Variants in IRS2 observed in about 807,000 individuals in gnomAD.
IRS2 encodes insulin receptor substrate 2.
In IRS2, 28 loss-of-function variants were observed where a neutral mutation model predicts 70.9. The observed-to-expected ratio is 0.39, with a 90% CI of 0.29 to 0.54. The LOEUF (loss-of-function observed/expected upper bound fraction) is 0.54. Among genes scored for constraint, IRS2 ranks in the 20% least tolerant of loss-of-function variants. The probability of loss-of-function intolerance (pLI) is 0.59; values close to 1 mark genes in which losing one functional copy is unlikely to be tolerated. For synonymous variants in IRS2, 1,217 were observed against 981.9 expected (o/e 1.24, Z -4.48); for missense variants, 2,081 against 2,024.1 (o/e 1.03, Z -0.54).
chr13:109,784,132 C>T lies in IRS2; in HGVS notation c.1922G>A (p.Arg641Lys). 6.3e-7 allele frequency: 1 copy of T among 1,593,968 alleles called. No individual in the cohort carries two copies. The highest frequency in any genetic ancestry group is 1.1e-5 in the South Asian group (1 of 90,100). The stretch of plus-strand genomic sequence containing the variant: ...TGCCCCCAGGTTGCTGCTGGAGCTC[C>T]TGTGGGAGCCGATCTCGATGTCTCC... ...DYGDIEIGSH[R>K]SSSSNLGADD... The change falls in exon 1 of 2, where the codon AGG becomes AAG. Residue 641 changes from arginine to lysine, a missense_variant. Around this residue, in one of 4 missense-constraint regions of IRS2, gnomAD observed 1,615 missense variants for 1,459.5 expected, o/e 1.11. Coordinates refer to ENST00000375856, the MANE Select transcript of IRS2 (RefSeq NM_003749.3). This position sits in a 1 kb window ranked among gnomAD's most constrained non-coding sequence, Gnocchi z 5.2.
In IRS2 at chr13:109,783,979, G is replaced by A. The variant is rs1324656393; in HGVS notation, c.2075C>T (p.Pro692Leu). The change falls in exon 1 of 2, where the codon CCC becomes CTC. Residue 692 changes from proline (P) to leucine (L), a missense_variant. Coordinates refer to ENST00000375856, the MANE Select transcript of IRS2 (RefSeq NM_003749.3). ...GGCGGCGGCGGCGGCGGCGGCCCTGGGCTGCAAGATCTGCTTGGGGGCGGA... is the reference window on the plus strand; with the variant it reads ...GGCGGCGGCGGCGGCGGCGGCCCTGAGCTGCAAGATCTGCTTGGGGGCGGA... ...SVSAPKQILQPRAAAAAAAAV... is the reference protein window; with the variant it reads ...SVSAPKQILQLRAAAAAAAAV... The A allele has an allele frequency of 6.5e-7, 1 of 1,528,090 alleles. No homozygotes were observed. The highest frequency in any genetic ancestry group is 1.2e-5 in the South Asian group (1 of 82,682). 94.7% of individuals were successfully genotyped at this position (1,528,090 alleles called of 1,614,324 possible). A position where few individuals can be genotyped will look rare whatever the true frequency, so the allele number is the denominator to read the frequency against.
In IRS2 at chr13:109,782,323, G is replaced by T. The variant is rs1238192174; in HGVS notation, c.3731C>A (p.Ser1244Tyr). ...GTTGAGACCATTCTGGAAGCCGGCAGAGGTCTCTCTGCGCATGGGCGATCC... is the reference window on the plus strand; with the variant it reads ...GTTGAGACCATTCTGGAAGCCGGCATAGGTCTCTCTGCGCATGGGCGATCC... ...SGGSPMRRET[S>Y]AGFQNGLNYI... Residue 1244 changes from serine (S) to tyrosine (Y), a missense_variant, in exon 1 of 2, where the codon TCT becomes TAT. By Grantham distance (144) the Ser-to-Tyr change is moderately radical. Transcript: ENST00000375856. 1 of 1,611,616 alleles carries T rather than the reference G, an allele frequency of 6.2e-7. No individual in the cohort carries two copies. Among genetic ancestry groups the T allele is most frequent in the Non-Finnish European group, 8.5e-7 (1 of 1,179,462 alleles).
In IRS2 at chr13:109,786,021, C is replaced by T. The variant is rs966661377; in HGVS notation, c.33G>A (p.Gly11=). 131 of 1,368,918 alleles carry T rather than the reference C, an allele frequency of 9.6e-5. No individual in the cohort carries two copies. The highest frequency in any genetic ancestry group is 1.2e-4 in the Non-Finnish European group (127 of 1,061,248). The allele number at this position is 1,368,918 out of a possible 1,614,324, so 84.8% of individuals were successfully genotyped here. The change falls in exon 1 of 2, where the codon GGG becomes GGA. Residue 11 remains glycine (G), a synonymous_variant. Transcript: ENST00000375856. The surrounding 1 kb of genome is among the most constrained non-coding windows in gnomAD (Gnocchi z 4.4). MASPPRHGPP[G]PASGDGPNLN... is the part of the protein sequence containing the mutation. ...GGTTGGGGCCGTCTCCGCTCGCCGG[C>T]CCGGGCGGCCCGTGCCGCGGCGGGC...
rs930329556 is a variant in IRS2, at chr13:109,785,925, G to C, written c.129C>G (p.Gly43=). The C allele has an allele frequency of 1.3e-6, 2 of 1,497,740 alleles. No individual in the cohort carries two copies. Among genetic ancestry groups the C allele is most frequent in the Non-Finnish European group, 1.8e-6 (2 of 1,130,068 alleles). The allele number at this position is 1,497,740 out of a possible 1,614,324, so 92.8% of individuals were successfully genotyped here. ...KCGYLRKQKH[G]HKRFFVLRGP... ...CGCGCAGCACGAAGAAGCGCTTGTG[G>C]CCATGCTTCTGCTTGCGCAGGTAGC... The change falls in exon 1 of 2, where the codon GGC becomes GGG. Residue 43 remains glycine (G), a synonymous_variant. Transcript: ENST00000375856. The surrounding 1 kb of genome is among the most constrained non-coding windows in gnomAD (Gnocchi z 9.3).
chr13:109,773,453 G>T (rs1300471400), intron 1 of IRS2, among the ~76,000 whole-genome samples: 2 of 152,216 alleles, frequency 1.3e-5, no homozygotes, highest in Non-Finnish European at 1.5e-5. Flanking sequence ...AGAGAGCAGT[G>T]ACCGAATGCA....
intron 1 of IRS2, among the ~76,000 whole-genome samples, chr13:109,774,468 G>A (rs1027527520): frequency 5.3e-5 from 8 of 152,114 alleles, no homozygotes; most frequent in Non-Finnish European, 4.4e-5. Context: ...TTGATACCCA[G>A]TGGAAGAAAA....
chr13:109,785,856 C>T lies in IRS2; in HGVS notation c.198G>A (p.Ser66=), dbSNP rs2138939412. 4.6e-6 allele frequency: 7 copies of T among 1,515,942 alleles called. No individual in the cohort carries two copies. Among genetic ancestry groups the T allele is most frequent in the African/African-American group, 1.4e-5 (1 of 71,068 alleles). The allele number at this position is 1,515,942 out of a possible 1,614,324, so 93.9% of individuals were successfully genotyped here. Residue 66 remains serine, a synonymous_variant, in exon 1 of 2, where the codon TCG becomes TCA. Coordinates refer to ENST00000375856, the MANE Select transcript of IRS2 (RefSeq NM_003749.3). The surrounding 1 kb of genome is among the most constrained non-coding windows in gnomAD (Gnocchi z 9.3). ...ACTCGAGCCGCGGCGGTTGCGGCGC[C>T]GACCCCCCGCCCGCCGTCGCCTCGT... ...GGDEATAGGG[S]APQPPRLEYY...
chr13:109,778,873 C>A (rs143374752), intron 1 of IRS2, among the ~76,000 whole-genome samples: 15 of 152,206 alleles, frequency 9.9e-5, no homozygotes, highest in Non-Finnish European at 1.9e-4. Context: ...ATCAATCTAC[C>A]ATCCTAACAC....
intron 1 of IRS2, among the ~76,000 whole-genome samples, chr13:109,770,197 A>C (rs777175271): frequency 3.5e-4 from 54 of 152,146 alleles, no homozygotes; most frequent in Non-Finnish European, 7.1e-4. Context: ...GCAGGAAAGG[A>C]GGGGGCTTTC....
chr13:109,772,576 G>A (rs1170964580), intron 1 of IRS2, among the ~76,000 whole-genome samples: 2 of 151,916 alleles, frequency 1.3e-5, no homozygotes, highest in African/African-American at 4.8e-5. Flanking sequence ...CACCGTTGGG[G>A]GTGCTGGCCA....
rs759999527 is a variant in IRS2, at chr13:109,782,919, G to C, written c.3135C>G (p.Pro1045=). The C allele has an allele frequency of 2.1e-5, 33 of 1,543,712 alleles. No individual in the cohort carries two copies. The highest frequency in any genetic ancestry group is 2.8e-5 in the Non-Finnish European group (32 of 1,143,632). ...GGGCGGTGGCAACGGCCGAGGCGGGGGGCAGGCGGTACAGCTCCCCCGGGG... is the reference window on the plus strand; with the variant it reads ...GGGCGGTGGCAACGGCCGAGGCGGGCGGCAGGCGGTACAGCTCCCCCGGGG... ...PPAPGELYRL[P]PASAVATAQG... The change falls in exon 1 of 2, where the codon CCC becomes CCG. Residue 1045 remains proline, a synonymous_variant. Transcript: ENST00000375856.
At chr13:109,779,546 G>A (rs1268110094) in intron 1 of IRS2, among the ~76,000 whole-genome samples, 1 of 152,102 alleles carries the variant, frequency 6.6e-6, no homozygotes, top group Non-Finnish European at 1.5e-5. Flanking sequence ...TGTCTCAACG[G>A]ACCACAACTT....
chr13:109,783,740 TG>T lies in IRS2; in HGVS notation c.2313del (p.Ser772AlafsTer55). 6.3e-7 allele frequency: 1 copy of T among 1,586,658 alleles called. No individual in the cohort carries two copies. Among genetic ancestry groups the T allele is most frequent in the Admixed American group, 1.8e-5 (1 of 56,866 alleles). ...LPNGDYLNVSPSDAVTTGTPP... is the reference protein window; with the variant it reads ...LPNGDYLNVSXSDAVTTGTPP... ...GGGGTGCCCGTGGTGACCGCGTCGC[TG>T]GGGGACACGTTGAGGTAGTCCCCGT... On this transcript the variant is annotated frameshift_variant, in exon 1 of 2. Coordinates refer to ENST00000375856, the MANE Select transcript of IRS2 (RefSeq NM_003749.3). LOFTEE classifies it high-confidence loss of function.
rs572125956 is a variant in IRS2, at chr13:109,771,997, AC to A, written c.4012+10044del. On this transcript the variant is annotated intron_variant, in intron 1 of 1. Transcript: ENST00000375856. ...AAAGAAATTCTGGCCTATTTCCAAA[AC>A]TTTTCTCCCTGCTTCACAATTCCCC... 2.6e-5 allele frequency among the ~76,000 whole-genome samples: 4 copies of A among 152,218 alleles called. No homozygotes were observed. In the South Asian group the frequency reaches 8.3e-4, roughly 32 times the overall value.
rs750836304 is a variant in IRS2, at chr13:109,782,644, C to T, written c.3410G>A (p.Arg1137His). ...PDPHRGAKVI[R>H]ADPQGGRRRH... ...GCGGCGGCCCCCCTGCGGGTCTGCG[C>T]GGATGACCTTGGCGCCGCGGTGGGG... Residue 1137 changes from arginine (R) to histidine (H), a missense_variant, in exon 1 of 2, where the codon CGC becomes CAC. Arg to His is a conservative substitution (Grantham distance 29). Transcript: ENST00000375856. 1 of 1,572,082 alleles carries T rather than the reference C, an allele frequency of 6.4e-7. No individual in the cohort carries two copies. The highest frequency in any genetic ancestry group is 8.6e-7 in the Non-Finnish European group (1 of 1,160,776).
At chr13:109,767,925 G>T (rs1289530357) in intron 1 of IRS2, among the ~76,000 whole-genome samples, 1 of 151,970 alleles carries the variant, frequency 6.6e-6, no homozygotes, top group Non-Finnish European at 1.5e-5. Flanking sequence ...TAGAGATAGG[G>T]TTTCATCATA....
chr13:109,782,006 C>G (rs779674598), intron 1 of IRS2, 36 bp downstream of exon 1: 4 of 1,607,214 alleles, frequency 2.5e-6, no homozygotes, highest in Non-Finnish European at 3.4e-6. Flanking sequence ...CCCGCCCCTC[C>G]TTCCCGCCAG....
At chr13:109,770,699 G>A (rs146719972) in intron 1 of IRS2, among the ~76,000 whole-genome samples, 18 of 152,276 alleles carry the variant, frequency 1.2e-4, no homozygotes, top group East Asian at 1.2e-3. Context: ...AATGGTGCCC[G>A]GTGGGATGCT....
At chr13:109,772,322 G>C (rs1456653075) in intron 1 of IRS2, among the ~76,000 whole-genome samples, 1 of 152,202 alleles carries the variant, frequency 6.6e-6, no homozygotes, top group Non-Finnish European at 1.5e-5. Flanking sequence ...AACCTTGCTG[G>C]GGAAAAGGCT....
Sources: gnomAD v4.1 joint callset for allele counts (sites outside exome capture counted in the v4.1 genomes callset) on GRCh38, gnomAD v4.1.1 for gene constraint, gnomAD v4.1.1 regional missense constraint, Gnocchi (gnomAD v3.1) non-coding constraint, MANE v1.5 for transcripts, NCBI Gene and HGNC (gene_info 2026-07-23, HGNC 2026-07-21) for gene names.